The following TMEM178B variants were observed in gnomAD, a reference collection of about 807,000 sequenced individuals.
The protein encoded by TMEM178B is transmembrane protein 178B.
In TMEM178B, 5 loss-of-function variants were observed where a neutral mutation model predicts 31.0. That is an observed-to-expected ratio of 0.16 (90% CI 0.08 to 0.34). The LOEUF (loss-of-function observed/expected upper bound fraction) is 0.34, where lower values mean the gene tolerates loss of function less well. TMEM178B is among the 10% of genes least tolerant of loss of function. The pLI is 1.00. For missense variants in TMEM178B, 275 were observed against 400.3 expected, an observed-to-expected ratio of 0.69 and a Z score of 2.67; for synonymous variants, 164 against 164.0, an observed-to-expected ratio of 1.00 and a Z score of 0.00.
rs184534729 is a variant in TMEM178B at position 141,426,528 on chromosome 7, A to T, written c.497-11080A>T. Among the ~76,000 whole-genome samples the T allele has an allele frequency of 5.1e-4, 78 of 152,288 alleles. 1 individual carries two copies. The East Asian group carries it at 0.014, about 27-fold the overall frequency. On this transcript the variant is annotated intron_variant, in intron 2 of 3. Transcript: ENST00000565468. ...GCAAGGATGATGAGAAACTTGACAG[A>T]TGGAGCCAGTGGGGACCCATGTTGG...
intron 1 of TMEM178B, among the ~76,000 whole-genome samples, chr7:141,099,291 T>A (rs1056801847): frequency 6.6e-6 from 1 of 152,212 alleles, no homozygotes; most frequent in African/African-American, 2.4e-5. Flanking sequence ...GCTACAGATA[T>A]GGAGACTAAG....
intron 2 of TMEM178B, among the ~76,000 whole-genome samples, chr7:141,375,898 T>C (rs1209075374): frequency 6.6e-6 from 1 of 152,192 alleles, no homozygotes; most frequent in East Asian, 1.9e-4. Context: ...GAGACAGGCC[T>C]CTTGGCCATC....
At chr7:141,464,656 C>A (rs1239943994) in intron 3 of TMEM178B, among the ~76,000 whole-genome samples, 1 of 152,186 alleles carries the variant, frequency 6.6e-6, no homozygotes, top group Non-Finnish European at 1.5e-5. Flanking sequence ...TATCATAAAG[C>A]TTGACCCAAA....
chr7:141,217,835 A>G (rs1446422001), intron 2 of TMEM178B, among the ~76,000 whole-genome samples: 1 of 152,022 alleles, frequency 6.6e-6, no homozygotes, highest in East Asian at 1.9e-4. Context: ...TTTTGCTCCC[A>G]GTAGATTGCC....
chr7:141,108,221 G>A (rs1052869069), intron 1 of TMEM178B, among the ~76,000 whole-genome samples: 4 of 152,198 alleles, frequency 2.6e-5, no homozygotes, highest in Non-Finnish European at 5.9e-5. Flanking sequence ...CATTAGCTGG[G>A]ACAAGAAGGG....
At chr7:141,408,320 G>A (rs949464397) in intron 2 of TMEM178B, among the ~76,000 whole-genome samples, 1 of 152,214 alleles carries the variant, frequency 6.6e-6, no homozygotes, top group Non-Finnish European at 1.5e-5. Flanking sequence ...AGTGACAGCT[G>A]CAGATCCTTT....
intron 2 of TMEM178B, among the ~76,000 whole-genome samples, chr7:141,254,642 C>T (rs1860811): frequency 0.43 from 66,070 of 151,912 alleles, 14,590 homozygotes; most frequent in East Asian, 0.67. Context: ...GGCTTGAACC[C>T]GGGGGAGGGC....
At chr7:141,212,847 G>T in intron 2 of TMEM178B, 143 bp downstream of exon 2, 1 of 621,442 alleles carries the variant, frequency 1.6e-6, no homozygotes. Context: ...AATATCTTTG[G>T]GTTAGAATTG....
At chr7:141,303,472 G>A (rs1351144579) in intron 2 of TMEM178B, among the ~76,000 whole-genome samples, 1 of 152,188 alleles carries the variant, frequency 6.6e-6, no homozygotes, top group Non-Finnish European at 1.5e-5. Flanking sequence ...CCAGAGTCCT[G>A]CTGCCCGGAC....
At chr7:141,486,674 G>A in the TMEM178B span, among the ~76,000 whole-genome samples, 1 of 152,132 alleles carries the variant, frequency 6.6e-6, no homozygotes, top group South Asian at 2.1e-4. Context: ...ATTGCAAAAA[G>A]AACAAACACT....
At chr7:141,145,826 T>C (rs1333987686) in intron 1 of TMEM178B, among the ~76,000 whole-genome samples, 1 of 152,220 alleles carries the variant, frequency 6.6e-6, no homozygotes, top group African/African-American at 2.4e-5. Context: ...CTGCTTGTCT[T>C]GTGGCCTAAA....
intron 2 of TMEM178B, among the ~76,000 whole-genome samples, chr7:141,338,770 G>C (rs1166674922): frequency 1.3e-5 from 2 of 152,154 alleles, no homozygotes; most frequent in African/African-American, 4.8e-5. Context: ...CAGCTGACTT[G>C]ATAATTCCAC....
intron 1 of TMEM178B, among the ~76,000 whole-genome samples, chr7:141,092,313 A>T (rs186987323): frequency 6.6e-6 from 1 of 152,316 alleles, no homozygotes; most frequent in Admixed American, 6.5e-5. Context: ...AAATAAAGTG[A>T]TATAGATGGA....
At chr7:141,409,079 G>C (rs1480670997) in intron 2 of TMEM178B, among the ~76,000 whole-genome samples, 1 of 152,202 alleles carries the variant, frequency 6.6e-6, no homozygotes, top group African/African-American at 2.4e-5. Flanking sequence ...CCTTCTAGAA[G>C]CAGTGGGGAG....
chr7:141,190,629 C>G (rs934282614), intron 1 of TMEM178B, among the ~76,000 whole-genome samples: 4 of 152,110 alleles, frequency 2.6e-5, no homozygotes, highest in African/African-American at 9.7e-5. Flanking sequence ...TTACTGAATA[C>G]TGTATTGAAA....
At chr7:141,497,785 G>T in the TMEM178B span, among the ~76,000 whole-genome samples, 2 of 152,198 alleles carry the variant, frequency 1.3e-5, no homozygotes, top group Non-Finnish European at 2.9e-5. Flanking sequence ...AGAAGCCAGA[G>T]TTATTCAAAT....
chr7:141,286,535 G>A (rs1011962571), intron 2 of TMEM178B, among the ~76,000 whole-genome samples: 1 of 152,202 alleles, frequency 6.6e-6, no homozygotes, highest in African/African-American at 2.4e-5. Context: ...CTATCATATT[G>A]TTTGAAGACA....
intron 2 of TMEM178B, among the ~76,000 whole-genome samples, chr7:141,262,233 C>T (rs1798024248): frequency 6.6e-6 from 1 of 152,032 alleles, no homozygotes; most frequent in Non-Finnish European, 1.5e-5. Flanking sequence ...CAGCAAGTGT[C>T]CACTTTTTCA....
At chr7:141,110,628 G>A (rs1795218247) in intron 1 of TMEM178B, among the ~76,000 whole-genome samples, 2 of 152,188 alleles carry the variant, frequency 1.3e-5, no homozygotes, top group African/African-American at 4.8e-5. Context: ...ACATAGGAGA[G>A]CAGAATAAAT....
Sources: allele counts gnomAD v4.1 joint callset (sites outside exome capture counted in the v4.1 genomes callset), GRCh38; gene constraint gnomAD v4.1.1; transcripts MANE v1.5; gene names NCBI Gene and HGNC (gene_info 2026-07-23, HGNC 2026-07-21).